Variants in FAM83A observed in about 807,000 individuals in gnomAD.
FAM83A encodes scaffolding CK1 anchoring protein A, also known as protein FAM83A.
A neutral mutation model predicts 24.4 loss-of-function variants in FAM83A; 21 were observed. The observed-to-expected ratio is 0.86, with a 90% CI of 0.61 to 1.24. The LOEUF is 1.24. Among genes scored for constraint, FAM83A ranks in the 50% most tolerant of loss-of-function variants. FAM83A has a pLI of 0.00. For missense variants in FAM83A, 617 were observed against 579.8 expected, an observed-to-expected ratio of 1.06 and a Z score of -0.66; for synonymous variants, 270 against 252.4, an observed-to-expected ratio of 1.07 and a Z score of -0.66.
Position 123,209,432 on chromosome 8 carries a change from A to G in FAM83A, c.*1744A>G. On this transcript the variant is annotated 3_prime_UTR_variant, in exon 4 of 4. Transcript: ENST00000690554. This position sits in a 1 kb window ranked among gnomAD's most constrained non-coding sequence, Gnocchi z 4.7. ...TCACTTTTTTCCTCCTTAGTTCCTG[A>G]AAGTAAACAAAACAAAACAAAAACA... is the stretch of plus-strand genomic sequence containing the variant. 1.9e-6 allele frequency: 3 copies of G among 1,614,096 alleles called. No individual in the cohort carries two copies. The highest frequency in any genetic ancestry group is 2.5e-6 in the Non-Finnish European group (3 of 1,179,982).
At chr8:123,192,701 A>C (rs1343842065) in intron 2 of FAM83A, among the ~76,000 whole-genome samples, 1 of 152,112 alleles carries the variant, frequency 6.6e-6, no homozygotes, top group Non-Finnish European at 1.5e-5. Flanking sequence ...CCCAGATAAG[A>C]ATGAAGCCTC....
intron 3 of FAM83A, among the ~76,000 whole-genome samples, chr8:123,198,316 A>T (rs1824230599): frequency 1.3e-5 from 2 of 152,242 alleles, no homozygotes; most frequent in South Asian, 4.2e-4. Flanking sequence ...ATTGCACACG[A>T]CCATGGGGCA....
At chr8:123,197,868 G>C (rs1220501354) in intron 3 of FAM83A, among the ~76,000 whole-genome samples, 1 of 152,180 alleles carries the variant, frequency 6.6e-6, no homozygotes, top group Admixed American at 6.5e-5. Flanking sequence ...AGTGGCTCAC[G>C]CCTGTAATCC....
chr8:123,205,145 C>T (rs908246987), intron 3 of FAM83A, among the ~76,000 whole-genome samples: 4 of 152,144 alleles, frequency 2.6e-5, no homozygotes, highest in African/African-American at 9.7e-5. Flanking sequence ...AAAAAAAAAG[C>T]TAAAGCATGA....
upstream of FAM83A, among the ~76,000 whole-genome samples, chr8:123,181,133 G>A (rs1823588876): frequency 2.0e-5 from 3 of 152,030 alleles, no homozygotes; most frequent in Non-Finnish European, 1.5e-5. Flanking sequence ...TTTTAGTAGC[G>A]ACAGTGTTTC....
chr8:123,189,108 G>T (rs1049409011), intron 1 of FAM83A, among the ~76,000 whole-genome samples: 4 of 152,226 alleles, frequency 2.6e-5, no homozygotes, highest in Non-Finnish European at 4.4e-5. Context: ...TTATCTTTCA[G>T]CAAACAGGGA....
At chr8:123,187,843 ATTTTTAT>A (rs1259497825) in intron 1 of FAM83A, among the ~76,000 whole-genome samples, 2 of 151,684 alleles carry the variant, frequency 1.3e-5, no homozygotes, top group South Asian at 2.1e-4. Flanking sequence ...TTGCTCTTTT[ATTTTTAT>A]TTTTTATTTT....
rs781700373 is a variant in FAM83A at position 123,207,276 on chromosome 8, G to T, written c.893G>T (p.Gly298Val). ...TACGCCTCCTCCAAGCCTGTGATGG[G>T]CCTGAAGTCCCCGCGGCTGGTCGCC... Residue 298 changes from glycine to valine, a missense_variant, in exon 4 of 4, where the codon GGC becomes GTC. Coordinates refer to ENST00000690554, the Ensembl canonical transcript of FAM83A. 5.6e-6 allele frequency: 9 copies of T among 1,612,724 alleles called. No individual in the cohort carries two copies. In the Admixed American group the frequency reaches 6.7e-5, roughly 12 times the overall value.
chr8:123,185,595 G>A (rs1345560549), intron 1 of FAM83A, among the ~76,000 whole-genome samples: 1 of 152,154 alleles, frequency 6.6e-6, no homozygotes, highest in Admixed American at 6.5e-5. Flanking sequence ...TAGCAGGTGG[G>A]CTCTGCTGGC....
intron 2 of FAM83A, among the ~76,000 whole-genome samples, chr8:123,193,450 C>CT (rs369184825): frequency 0.011 from 1,628 of 151,450 alleles, 25 homozygotes; most frequent in African/African-American, 0.035. Context: ...TACCACCTTC[C>CT]TTTTTTTTTG....
chr8:123,208,866 A>T (rs1208367304), exon 4 of FAM83A: 1 of 955,900 alleles, frequency 1.0e-6, no homozygotes, highest in African/African-American at 1.8e-5. Flanking sequence ...AATTAGGCTG[A>T]GACAGGAGAA....
chr8:123,197,987 G>T (rs991773378), intron 3 of FAM83A, among the ~76,000 whole-genome samples: 1 of 152,108 alleles, frequency 6.6e-6, no homozygotes, highest in African/African-American at 2.4e-5. Flanking sequence ...AAAATTAGCT[G>T]GGCATGGTGA....
chr8:123,200,173 C>G (rs569878987), intron 3 of FAM83A, among the ~76,000 whole-genome samples: 2 of 148,190 alleles, frequency 1.3e-5, no homozygotes, highest in African/African-American at 5.0e-5. Flanking sequence ...ACAGAGACAG[C>G]AGGCAGAACA....
At chr8:123,182,867 C>T (rs1823646477) in exon 1 of FAM83A, 3 of 1,522,068 alleles carry the variant, frequency 2.0e-6, no homozygotes, top group Non-Finnish European at 2.6e-6. Context: ...ATGAGCCGGT[C>T]AAGGCACCTG....
At chr8:123,206,117 TAGGTGAC>T (rs1333755269) in intron 3 of FAM83A, among the ~76,000 whole-genome samples, 2 of 147,846 alleles carry the variant, frequency 1.4e-5, no homozygotes, top group African/African-American at 5.1e-5. Flanking sequence ...CACTCCAGCC[TAGGTGAC>T]AGAGTAAGAC....
At chr8:123,200,679 C>T (rs1447219056) in intron 3 of FAM83A, among the ~76,000 whole-genome samples, 3 of 151,880 alleles carry the variant, frequency 2.0e-5, no homozygotes, top group South Asian at 2.1e-4. Context: ...TCAGGAGGGG[C>T]GCGATGGCTC....
chr8:123,182,784 T>C, exon 1 of FAM83A: 1 of 1,488,716 alleles, frequency 6.7e-7, no homozygotes. Context: ...CTCCGTGGTG[T>C]GTTCCATTTG....
At chr8:123,188,422 G>A (rs1259121778) in intron 1 of FAM83A, among the ~76,000 whole-genome samples, 4 of 151,772 alleles carry the variant, frequency 2.6e-5, no homozygotes, top group African/African-American at 4.8e-5. Context: ...AGGGTTGGAC[G>A]TATCTTTTGA....
At chr8:123,183,292 A>G in exon 1 of FAM83A, 1 of 1,613,160 alleles carries the variant, frequency 6.2e-7, no homozygotes, top group Non-Finnish European at 8.5e-7. Flanking sequence ...CAAGCACAAC[A>G]ACATCAGAGA....
Sources: gnomAD v4.1 joint callset for allele counts (sites outside exome capture counted in the v4.1 genomes callset) on GRCh38, gnomAD v4.1.1 for gene constraint, Gnocchi (gnomAD v3.1) non-coding constraint, MANE v1.5 for transcripts, NCBI Gene and HGNC (gene_info 2026-07-23, HGNC 2026-07-21) for gene names.